The following CD53 variants were observed in gnomAD, a reference collection of about 807,000 sequenced individuals.
CD53 encodes CD53 molecule.
Under a neutral mutation model 27.3 loss-of-function variants are expected in CD53, and 20 were observed. The observed-to-expected ratio is 0.73, with a 90% confidence interval of 0.52 to 1.07. The LOEUF (loss-of-function observed/expected upper bound fraction) is 1.07. CD53 is among the 50% of genes least tolerant of loss of function. CD53 has a pLI of 0.00. For missense variants in CD53, 216 were observed against 264.0 expected, an observed-to-expected ratio of 0.82 and a Z score of 1.26; for synonymous variants, 106 against 105.3, an observed-to-expected ratio of 1.01 and a Z score of -0.04.
chr1:110,877,382 C>T (rs559230753), intron 1 of CD53, among the ~76,000 whole-genome samples: 1 of 152,186 alleles, frequency 6.6e-6, no homozygotes, highest in African/African-American at 2.4e-5. Context: ...GGCCTCTAGC[C>T]GAGGGACCCC....
chr1:110,872,537 T>C (rs557326256), upstream of CD53, among the ~76,000 whole-genome samples: 3 of 152,216 alleles, frequency 2.0e-5, no homozygotes, highest in Non-Finnish European at 4.4e-5. Flanking sequence ...GTGTTTCCTG[T>C]ACTAACCAAA....
At chr1:110,898,802 A>G (rs1657178961) in intron 7 of CD53, among the ~76,000 whole-genome samples, 1 of 152,202 alleles carries the variant, frequency 6.6e-6, no homozygotes, top group South Asian at 2.1e-4. Flanking sequence ...GGCACAGAGC[A>G]TGGATAGAGA....
At chr1:110,874,371 T>A (rs1296961823) in intron 1 of CD53, among the ~76,000 whole-genome samples, 2 of 152,166 alleles carry the variant, frequency 1.3e-5, no homozygotes, top group East Asian at 3.8e-4. Flanking sequence ...GGCCAGGCAC[T>A]GTGCTTTGGG....
intron 1 of CD53, among the ~76,000 whole-genome samples, chr1:110,876,256 C>T (rs956048851): frequency 1.3e-5 from 2 of 152,112 alleles, no homozygotes; most frequent in East Asian, 3.8e-4. Context: ...TTCAGAATGT[C>T]TTCTGATTCT....
chr1:110,888,526 T>C (rs1656719859), intron 1 of CD53, among the ~76,000 whole-genome samples: 1 of 152,210 alleles, frequency 6.6e-6, no homozygotes, highest in Non-Finnish European at 1.5e-5. Flanking sequence ...ACCATTATTT[T>C]ATAGTCTACA....
intron 4 of CD53, among the ~76,000 whole-genome samples, 176 bp from the exon 5 acceptor site, chr1:110,894,784 C>T (rs968875419): frequency 2.0e-5 from 3 of 152,184 alleles, no homozygotes; most frequent in Non-Finnish European, 4.4e-5. Flanking sequence ...CCTTCAATGC[C>T]ACCTCATGCT....
At chr1:110,892,279 G>C in intron 2 of CD53, 66 bp from the exon 3 acceptor site, 1 of 1,077,540 alleles carries the variant, frequency 9.3e-7, no homozygotes, top group South Asian at 1.2e-5. Context: ...TCAAGGAAGT[G>C]AGAATATGAG....
chr1:110,888,912 T>G (rs190713197), intron 1 of CD53, among the ~76,000 whole-genome samples: 41 of 152,300 alleles, frequency 2.7e-4, no homozygotes, highest in African/African-American at 9.6e-4. Flanking sequence ...TGTTTCAGCT[T>G]TTATGTCCTC....
intron 1 of CD53, among the ~76,000 whole-genome samples, chr1:110,879,582 G>C (rs1656269542): frequency 6.6e-6 from 1 of 151,366 alleles, no homozygotes; most frequent in Admixed American, 6.6e-5. Context: ...TCTTTATCTT[G>C]GCTTTTGTTT....
intron 1 of CD53, among the ~76,000 whole-genome samples, chr1:110,877,596 TTG>T (rs1656176505): frequency 6.6e-6 from 1 of 152,210 alleles, no homozygotes; most frequent in African/African-American, 2.4e-5. Flanking sequence ...TCATCTGGAT[TTG>T]TCTTTCTTCA....
At chr1:110,873,549 G>A (rs1424024875) in intron 1 of CD53, among the ~76,000 whole-genome samples, 1 of 152,160 alleles carries the variant, frequency 6.6e-6, no homozygotes, top group East Asian at 1.9e-4. Flanking sequence ...GATGCCTGGA[G>A]CTTTCTATGC....
intron 1 of CD53, among the ~76,000 whole-genome samples, chr1:110,889,829 C>T (rs1442799625): frequency 6.6e-6 from 1 of 152,132 alleles, no homozygotes; most frequent in Non-Finnish European, 1.5e-5. Context: ...TAAATCATTA[C>T]ACTTTACTTC....
At chr1:110,895,588 A>G (rs759414547) in intron 5 of CD53, among the ~76,000 whole-genome samples, 12 of 152,204 alleles carry the variant, frequency 7.9e-5, no homozygotes, top group Non-Finnish European at 1.6e-4. Flanking sequence ...CAGTACCACT[A>G]TGAAAGCACG....
chr1:110,876,788 A>G (rs1656147276), intron 1 of CD53, among the ~76,000 whole-genome samples: 2 of 152,192 alleles, frequency 1.3e-5, no homozygotes, highest in South Asian at 4.1e-4. Flanking sequence ...AAATGACAAA[A>G]TTCAGACTGA....
chr1:110,891,728 C>T (rs966863534), intron 2 of CD53, among the ~76,000 whole-genome samples: 6 of 152,186 alleles, frequency 3.9e-5, no homozygotes, highest in African/African-American at 1.2e-4. Context: ...TACTACTACT[C>T]GTAGCTAACA....
intron 1 of CD53, among the ~76,000 whole-genome samples, chr1:110,882,293 C>G (rs1022904324): frequency 3.3e-5 from 5 of 152,040 alleles, no homozygotes; most frequent in African/African-American, 1.2e-4. Context: ...AATGCAAGTT[C>G]ATTTTTGCAT....
intron 1 of CD53, among the ~76,000 whole-genome samples, chr1:110,885,536 TCAAAAAA>T (rs1396099171): frequency 6.7e-6 from 1 of 149,570 alleles, no homozygotes; most frequent in Non-Finnish European, 1.5e-5. Flanking sequence ...AGACTCTGTC[TCAAAAAA>T]CAAAAAACAA....
chr1:110,872,414 T>C (rs1318054873), upstream of CD53, among the ~76,000 whole-genome samples: 2 of 152,224 alleles, frequency 1.3e-5, no homozygotes, highest in African/African-American at 2.4e-5. Flanking sequence ...GTAGGATTAT[T>C]ATTAGGTGTT....
At chr1:110,898,602 T>C (rs1228410019) in intron 7 of CD53, among the ~76,000 whole-genome samples, 1 of 152,126 alleles carries the variant, frequency 6.6e-6, no homozygotes, top group Non-Finnish European at 1.5e-5. Flanking sequence ...TTCCTCTTTG[T>C]TTCTGTGCTT....
Sources: gnomAD v4.1 joint callset for allele counts (sites outside exome capture counted in the v4.1 genomes callset) on GRCh38, gnomAD v4.1.1 for gene constraint, MANE v1.5 for transcripts, NCBI Gene and HGNC (gene_info 2026-07-23, HGNC 2026-07-21) for gene names.